DGKB: variants seen among roughly 807,000 people sequenced by gnomAD.
DGKB encodes the protein diacylglycerol kinase beta, also known as 90 kDa diacylglycerol kinase.
Under a neutral mutation model 114.3 loss-of-function variants are expected in DGKB, and 67 were observed. The ratio of observed to expected loss-of-function variants is 0.59; its 90% CI spans 0.48 to 0.72. The LOEUF is 0.72. Ranked by LOEUF, DGKB falls within the 30% of genes least tolerant of loss-of-function variation. The pLI is 0.00. For synonymous variants in DGKB, 398 were observed against 323.1 expected, an observed-to-expected ratio of 1.23 and a Z score of -2.49; for missense variants, 907 against 975.2, an observed-to-expected ratio of 0.93 and a Z score of 0.93.
At chr7:14,851,464 T>C (rs1424070854) in intron 1 of DGKB, among the ~76,000 whole-genome samples, 2 of 152,194 alleles carry the variant, frequency 1.3e-5, no homozygotes, top group Non-Finnish European at 2.9e-5. Context: ...AGATAGATTC[T>C]ATCCATAGGG....
chr7:14,625,456 C>T (rs1808406393), intron 14 of DGKB, among the ~76,000 whole-genome samples: 1 of 151,942 alleles, frequency 6.6e-6, no homozygotes. Context: ...GTAAATTGAC[C>T]CTGACTGGCA....
At chr7:14,900,209 A>T (rs1258579478) in intron 1 of DGKB, among the ~76,000 whole-genome samples, 1 of 152,146 alleles carries the variant, frequency 6.6e-6, no homozygotes, top group African/African-American at 2.4e-5. Flanking sequence ...TGACTATGGT[A>T]TTGGGACATA....
Position 14,178,086 on chromosome 7 carries a change from T to A in DGKB, c.2188A>T (p.Thr730Ser). The A allele has an allele frequency of 1.2e-6, 2 of 1,611,892 alleles. No homozygotes were observed. Among genetic ancestry groups the A allele is most frequent in the Non-Finnish European group, 1.7e-6 (2 of 1,179,216 alleles). ...EGAMEMGQIY[T>S]GLKSAGRRLA... is the part of the protein sequence containing the mutation. ...CGCCGGCCAGCACTTTTCAGGCCTG[T>A]GTATATTTGCCCCATCTCCATGGCT... The change falls in exon 24 of 26, where the codon ACA becomes TCA. Residue 730 changes from threonine to serine, a missense_variant. Thr to Ser is a moderately conservative substitution (Grantham distance 58). Around this residue, in one of 3 missense-constraint regions of DGKB, gnomAD observed 35 missense variants for 66.0 expected, o/e 0.53. Coordinates refer to ENST00000402815, the MANE Select transcript of DGKB (RefSeq NM_001350709.2).
chr7:14,398,024 G>A (rs539809221), intron 21 of DGKB, among the ~76,000 whole-genome samples: 1 of 152,112 alleles, frequency 6.6e-6, no homozygotes, highest in Admixed American at 6.6e-5. Flanking sequence ...TGAAATATCT[G>A]AACACTCAGC....
intron 1 of DGKB, among the ~76,000 whole-genome samples, chr7:14,915,998 T>C (rs1784220767): frequency 6.6e-6 from 1 of 152,128 alleles, no homozygotes; most frequent in Non-Finnish European, 1.5e-5. Context: ...GAATAATGTA[T>C]GGAGTGCTTA....
At chr7:14,487,876 G>C (rs1313829988) in intron 20 of DGKB, among the ~76,000 whole-genome samples, 1 of 151,800 alleles carries the variant, frequency 6.6e-6, no homozygotes, top group Non-Finnish European at 1.5e-5. Context: ...GCCTCCAAAA[G>C]TGTTGGAATT....
At chr7:14,193,539 A>G (rs1784604841) in intron 23 of DGKB, among the ~76,000 whole-genome samples, 1 of 152,210 alleles carries the variant, frequency 6.6e-6, no homozygotes, top group Non-Finnish European at 1.5e-5. Context: ...ATGTACAAAA[A>G]TCAACTCAAA....
chr7:14,648,410 T>G (rs893056840), intron 13 of DGKB, among the ~76,000 whole-genome samples: 1 of 152,088 alleles, frequency 6.6e-6, no homozygotes, highest in Non-Finnish European at 1.5e-5. Context: ...GGCAGGGTAC[T>G]CCAACAGACC....
chr7:14,817,609 T>C (rs573665653), intron 2 of DGKB, among the ~76,000 whole-genome samples: 1 of 152,322 alleles, frequency 6.6e-6, no homozygotes, highest in East Asian at 1.9e-4. Flanking sequence ...TATATATGCT[T>C]CTACAGTAAT....
chr7:14,903,613 C>T (rs775286444), upstream of DGKB, among the ~76,000 whole-genome samples: 1 of 152,140 alleles, frequency 6.6e-6, no homozygotes, highest in Non-Finnish European at 1.5e-5. Flanking sequence ...CAGCTGCAGA[C>T]GCTCTTGCTG....
intron 23 of DGKB, among the ~76,000 whole-genome samples, chr7:14,218,585 G>A (rs1161403174): frequency 6.6e-6 from 1 of 152,002 alleles, no homozygotes; most frequent in East Asian, 1.9e-4. Flanking sequence ...CTTTGAAAGT[G>A]AATCCTGCCT....
intron 17 of DGKB, among the ~76,000 whole-genome samples, chr7:14,585,106 C>A (rs997281734): frequency 1.3e-5 from 2 of 152,120 alleles, no homozygotes; most frequent in African/African-American, 4.8e-5. Context: ...TAAAACCCAT[C>A]ATCTGATTAT....
intron 1 of DGKB, among the ~76,000 whole-genome samples, chr7:14,922,899 T>G (rs959159004): frequency 3.3e-5 from 5 of 152,176 alleles, no homozygotes; most frequent in Admixed American, 2.0e-4. Context: ...AATTTTGAAA[T>G]AGACAACATA....
rs371658024 is a variant in DGKB, at chr7:14,613,342, T to C, written c.1356A>G (p.Glu452=). Residue 452 remains glutamate (E), a splice_region_variant and synonymous_variant, in exon 16 of 26, where the codon GAA becomes GAG. Transcript: ENST00000402815. ...VNPKSGGKQG[E]RIYRKFQYLL... is the part of the protein sequence containing the mutation. The stretch of plus-strand genomic sequence containing the variant: ...CTAAAATCAATCAAAAAACATACCG[T>C]TCTCCTTGTTTTCCACCACTTTTGG... 83 of 1,557,662 alleles carry C rather than the reference T, an allele frequency of 5.3e-5. No individual in the cohort carries two copies. In the African/African-American group the frequency reaches 9.6e-4, roughly 18 times the overall value.
intron 2 of DGKB, among the ~76,000 whole-genome samples, chr7:14,814,560 G>A (rs757104487): frequency 5.3e-5 from 8 of 151,986 alleles, no homozygotes; most frequent in Admixed American, 2.0e-4. Flanking sequence ...CTTCAAGATC[G>A]AAAGACTTAT....
intron 2 of DGKB, among the ~76,000 whole-genome samples, chr7:14,758,364 A>C (rs1402255646): frequency 1.3e-5 from 2 of 152,074 alleles, no homozygotes; most frequent in African/African-American, 4.8e-5. Flanking sequence ...TATTACAATT[A>C]AAGTTAAATA....
At chr7:14,368,067 T>G (rs1210659604) in intron 21 of DGKB, among the ~76,000 whole-genome samples, 1 of 152,140 alleles carries the variant, frequency 6.6e-6, no homozygotes, top group African/African-American at 2.4e-5. Flanking sequence ...GAATTCATTT[T>G]ATTTGGAGCA....
chr7:14,696,484 AGAGC>A (rs1410092619), intron 8 of DGKB, among the ~76,000 whole-genome samples: 2 of 139,920 alleles, frequency 1.4e-5, no homozygotes, highest in African/African-American at 5.2e-5. Context: ...CCTGGGCGAC[AGAGC>A]GAGACTCCGT....
intron 6 of DGKB, among the ~76,000 whole-genome samples, chr7:14,713,660 A>G (rs1354605040): frequency 1.3e-5 from 2 of 150,504 alleles, no homozygotes; most frequent in South Asian, 2.1e-4. Context: ...TTGTCAAACT[A>G]TAGGAAAGTT....
Sources: allele counts gnomAD v4.1 joint callset (sites outside exome capture counted in the v4.1 genomes callset), GRCh38; gene constraint gnomAD v4.1.1; regional missense constraint gnomAD v4.1.1; transcripts MANE v1.5; gene names NCBI Gene and HGNC (gene_info 2026-07-23, HGNC 2026-07-21).